Variants in OLFML2B observed in about 807,000 individuals in gnomAD.
OLFML2B encodes olfactomedin-like protein 2B.
In OLFML2B, 57 loss-of-function variants were observed where a neutral mutation model predicts 74.9. That is an observed-to-expected ratio of 0.76 (90% CI 0.61 to 0.95). The LOEUF (loss-of-function observed/expected upper bound fraction) is 0.95. Ranked by LOEUF, OLFML2B falls within the 40% of genes least tolerant of loss-of-function variation. The pLI is 0.00. For synonymous variants in OLFML2B, 388 were observed against 405.8 expected (o/e 0.96, Z 0.53); for missense variants, 986 against 970.6 (o/e 1.02, Z -0.21).
intron 3 of OLFML2B, among the ~76,000 whole-genome samples, chr1:162,009,741 C>G (rs761876518): frequency 2.0e-5 from 3 of 152,176 alleles, no homozygotes; most frequent in Admixed American, 1.3e-4. Context: ...GGGCAGCAGC[C>G]ACAGCTGCCC....
chr1:161,984,083 C>T lies in OLFML2B; in HGVS notation c.1845G>A (p.Gln615=). 6.2e-7 allele frequency: 1 copy of T among 1,613,042 alleles called. No homozygotes were observed. The highest frequency in any genetic ancestry group is 8.5e-7 in the Non-Finnish European group (1 of 1,179,212). The part of the protein sequence containing the change: ...AYEEATPWRW[Q]GHSDVDFAVD... ...CAGCAAAGTCCACGTCTGAGTGGCC[C>T]TGCCATCGCCAGGGGGTGGCCTCCT... Residue 615 remains glutamine (Q), a synonymous_variant, in exon 8 of 8, where the codon CAG becomes CAA. Transcript: ENST00000294794.
chr1:161,983,642 C>CCCT lies in OLFML2B; in HGVS notation c.*30_*32dup. 6.3e-7 allele frequency: 1 copy of CCCT among 1,579,674 alleles called. No homozygotes were observed. On this transcript the variant is annotated 3_prime_UTR_variant, in exon 8 of 8. Coordinates refer to ENST00000294794, the MANE Select transcript of OLFML2B (RefSeq NM_015441.3). ...CACATACACACAAGGTGCTAGTGAC[C>CCCT]CCTCTGTGCTTCTGCTTGTGGGGAC...
In OLFML2B at chr1:161,984,983, G is replaced by A; in HGVS notation, c.1475-3C>T. 6.2e-7 allele frequency: 1 copy of A among 1,602,730 alleles called. No homozygotes were observed. Among genetic ancestry groups the A allele is most frequent in the Non-Finnish European group, 8.5e-7 (1 of 1,175,670 alleles). ...GGAGAGAGTGTCCTTGCACCTTCCT[G>A]GTGGAGAAGAGGTGGATGGAGGTTT... On this transcript the variant is annotated splice_polypyrimidine_tract_variant and splice_region_variant and intron_variant, in intron 6 of 7. Coordinates refer to ENST00000294794, the MANE Select transcript of OLFML2B (RefSeq NM_015441.3).
intron 6 of OLFML2B, among the ~76,000 whole-genome samples, chr1:161,992,694 C>T (rs1689774177): frequency 6.6e-6 from 1 of 152,076 alleles, no homozygotes; most frequent in East Asian, 1.9e-4. Flanking sequence ...GGGAGAGAGA[C>T]CAGGGAATGC....
rs186502476 is a variant in OLFML2B at position 162,012,320 on chromosome 1, C to T, written c.546+5080G>A. On this transcript the variant is annotated intron_variant, in intron 3 of 7. Coordinates refer to ENST00000294794, the MANE Select transcript of OLFML2B (RefSeq NM_015441.3). ...GCCAAGTCTGCACAGATGAAAATTA[C>T]GTTTTCCTATTAGCTGGTGAAACGA... is the stretch of plus-strand genomic sequence containing the variant. Among the ~76,000 whole-genome samples the T allele has an allele frequency of 2.4e-3, 373 of 152,286 alleles. 1 individual carries two copies. The highest frequency in any genetic ancestry group is 4.2e-3 in the Non-Finnish European group (283 of 68,036).
chr1:161,984,242 G>A lies in OLFML2B; in HGVS notation c.1686C>T (p.Ser562=). 1 of 1,534,024 alleles carries A rather than the reference G, an allele frequency of 6.5e-7. No homozygotes were observed. Among genetic ancestry groups the A allele is most frequent in the Non-Finnish European group, 8.8e-7 (1 of 1,141,648 alleles). ...RWSNSYKLPY[S]WIGTGHVVYN... is the part of the protein sequence containing the mutation. The stretch of plus-strand genomic sequence containing the variant: ...ATACCACGTGGCCTGTGCCGATCCA[G>A]CTGTACGGGAGCTTGTAGGAATTGC... The change falls in exon 8 of 8, where the codon AGC becomes AGT. Residue 562 remains serine (S), a synonymous_variant. Transcript: ENST00000294794.
At position 161,983,803 on chromosome 1, in the gene OLFML2B, C is replaced by T; in HGVS notation, c.2125G>A (p.Val709Ile). The T allele has an allele frequency of 2.5e-6, 4 of 1,614,102 alleles. No homozygotes were observed. The highest frequency in any genetic ancestry group is 1.3e-5 in the African/African-American group (1 of 75,002). ...AFDTHTNTQI[V>I]PRLLFENEYS... ...TCATTCTCGAACAGCAGCCTGGGGACGATCTGTGTGTTGGTGTGGGTGTCG... is the reference window on the plus strand; with the variant it reads ...TCATTCTCGAACAGCAGCCTGGGGATGATCTGTGTGTTGGTGTGGGTGTCG... The change falls in exon 8 of 8, where the codon GTC becomes ATC. Residue 709 changes from valine (V) to isoleucine (I), a missense_variant. Transcript: ENST00000294794.
chr1:162,022,926 TGACA>T lies in OLFML2B; in HGVS notation c.174+327_174+330del, dbSNP rs1166858418. Among the ~76,000 whole-genome samples the T allele has an allele frequency of 4.6e-5, 7 of 152,302 alleles. No homozygotes were observed. In the South Asian group the frequency reaches 6.2e-4, roughly 14 times the overall value. Reference sequence around the variant, plus strand: ...TCCGGCTGTTTTCACATTCCAATTCTGACAGACAGCCACATAGACAAGAGATACT... The same window carrying T: ...TCCGGCTGTTTTCACATTCCAATTCTGACAGCCACATAGACAAGAGATACT... On this transcript the variant is annotated intron_variant, in intron 1 of 7. Transcript: ENST00000294794.
chr1:161,998,328 T>C lies in OLFML2B; in HGVS notation c.971A>G (p.Asp324Gly). The change falls in exon 6 of 8, where the codon GAC becomes GGC. Residue 324 changes from aspartate to glycine, a missense_variant. Transcript: ENST00000294794. Reference protein sequence around the residue: ...EEQQDEFFSGDNGVDLLIEDQ... With the variant: ...EEQQDEFFSGGNGVDLLIEDQ... ...TTCAATCAGCAAATCCACTCCATTGTCACCGCTGAAAAACTCATCTTCTGT... is the reference window on the plus strand; with the variant it reads ...TTCAATCAGCAAATCCACTCCATTGCCACCGCTGAAAAACTCATCTTCTGT... The C allele has an allele frequency of 6.4e-7, 1 of 1,561,480 alleles. No individual in the cohort carries two copies. Among genetic ancestry groups the C allele is most frequent in the Non-Finnish European group, 8.7e-7 (1 of 1,148,720 alleles).
chr1:162,005,328 G>A (rs1218257753), intron 4 of OLFML2B, among the ~76,000 whole-genome samples: 1 of 152,162 alleles, frequency 6.6e-6, no homozygotes, highest in Non-Finnish European at 1.5e-5. Flanking sequence ...GGACACAACT[G>A]GGTAGGAAGA....
chr1:162,009,627 C>G (rs934248853), intron 3 of OLFML2B, among the ~76,000 whole-genome samples: 2 of 152,228 alleles, frequency 1.3e-5, no homozygotes, highest in African/African-American at 4.8e-5. Context: ...ACAGTTTATT[C>G]CCCTCACGGG....
intron 3 of OLFML2B, among the ~76,000 whole-genome samples, chr1:162,007,949 C>T (rs771609759): frequency 6.6e-6 from 1 of 152,190 alleles, no homozygotes; most frequent in Non-Finnish European, 1.5e-5. Context: ...ACAGAATTAA[C>T]TGTGAGAGCT....
chr1:162,012,575 G>T (rs1226444928), intron 3 of OLFML2B, among the ~76,000 whole-genome samples: 2 of 152,200 alleles, frequency 1.3e-5, no homozygotes, highest in African/African-American at 4.8e-5. Flanking sequence ...GTTCCCTCGT[G>T]CCATCTATGC....
At chr1:162,004,331 T>C (rs1181955222) in intron 4 of OLFML2B, among the ~76,000 whole-genome samples, 1 of 152,124 alleles carries the variant, frequency 6.6e-6, no homozygotes, top group East Asian at 1.9e-4. Flanking sequence ...GACTAAACAC[T>C]TGCTCAGTAG....
intron 6 of OLFML2B, among the ~76,000 whole-genome samples, chr1:161,985,924 C>A (rs1230031878): frequency 6.6e-6 from 1 of 152,212 alleles, no homozygotes; most frequent in African/African-American, 2.4e-5. Context: ...GCCACTGGAA[C>A]TATACTGGGT....
Position 162,013,714 on chromosome 1 carries a change from T to C in OLFML2B, c.546+3686A>G, listed in dbSNP as rs142134865. Among the ~76,000 whole-genome samples the C allele has an allele frequency of 1.4e-3, 219 of 152,278 alleles. 2 individuals carry two copies. Among genetic ancestry groups the C allele is most frequent in the South Asian group, 0.012 (59 of 4,820 alleles). ...ATGTATAGGAATGTCCATAGGGCTA[T>C]TCTGATTTACGCATTCAGAAACTGG... On this transcript the variant is annotated intron_variant, in intron 3 of 7. Transcript: ENST00000294794.
At chr1:162,020,215 A>C (rs1035299843) in intron 1 of OLFML2B, 33 bp from the exon 2 acceptor site, 2 of 1,607,594 alleles carry the variant, frequency 1.2e-6, no homozygotes, top group Admixed American at 3.3e-5. Context: ...AGGGGCATGC[A>C]AACACAGGTG....
At chr1:161,995,028 T>A (rs1392368760) in intron 6 of OLFML2B, among the ~76,000 whole-genome samples, 1 of 152,212 alleles carries the variant, frequency 6.6e-6, no homozygotes, top group African/African-American at 2.4e-5. Context: ...TTAATTTTAC[T>A]GATGACTGGG....
At chr1:162,016,955 T>A (rs1272423074) in intron 3 of OLFML2B, among the ~76,000 whole-genome samples, 1 of 152,236 alleles carries the variant, frequency 6.6e-6, no homozygotes, top group East Asian at 1.9e-4. Flanking sequence ...GTCTTCTTCC[T>A]CTAAAATGAA....
Sources: gnomAD v4.1 joint callset for allele counts (sites outside exome capture counted in the v4.1 genomes callset) on GRCh38, gnomAD v4.1.1 for gene constraint, MANE v1.5 for transcripts, NCBI Gene and HGNC (gene_info 2026-07-23, HGNC 2026-07-21) for gene names.